HEMK2: variants seen among roughly 807,000 people sequenced by gnomAD.
The protein encoded by HEMK2 is HemK methyltransferase 2, ETF1 glutamine and histone H4 lysine, also known as methyltransferase HEMK2.
chr21:28,776,086 C>T, the HEMK2 span, among the ~76,000 whole-genome samples: 2 of 151,990 alleles, frequency 1.3e-5, no homozygotes, highest in Admixed American at 1.3e-4. Flanking sequence ...GGGAATGGGT[C>T]CCTTTTTAAT....
the HEMK2 span, among the ~76,000 whole-genome samples, chr21:28,694,230 T>G: frequency 6.6e-6 from 1 of 152,212 alleles, no homozygotes; most frequent in African/African-American, 2.4e-5. Flanking sequence ...CTTTTAATGG[T>G]TACGGTACAT....
chr21:28,857,114 T>C, the HEMK2 span, among the ~76,000 whole-genome samples: 1 of 152,226 alleles, frequency 6.6e-6, no homozygotes, highest in Admixed American at 6.5e-5. Context: ...ACACAGAGTT[T>C]ATAGTTTCCC....
chr21:28,601,782 C>T, the HEMK2 span, among the ~76,000 whole-genome samples: 1 of 152,112 alleles, frequency 6.6e-6, no homozygotes, highest in Non-Finnish European at 1.5e-5. Context: ...TCAACACAGA[C>T]TGTATTTGTT....
At chr21:28,776,185 C>T in the HEMK2 span, among the ~76,000 whole-genome samples, 12 of 152,296 alleles carry the variant, frequency 7.9e-5, no homozygotes, top group African/African-American at 2.6e-4. Context: ...TGCCTCAAGC[C>T]TGGGAACAGG....
At chr21:28,779,908 A>T in the HEMK2 span, among the ~76,000 whole-genome samples, 2 of 152,236 alleles carry the variant, frequency 1.3e-5, no homozygotes, top group Non-Finnish European at 2.9e-5. Context: ...TACACCTGAG[A>T]TTAATGCTGC....
the HEMK2 span, among the ~76,000 whole-genome samples, chr21:28,758,245 T>C: frequency 6.6e-6 from 1 of 151,394 alleles, no homozygotes; most frequent in South Asian, 2.1e-4. Flanking sequence ...GATGGAAGAC[T>C]GAATAGGAGG....
At chr21:28,650,692 G>A in the HEMK2 span, among the ~76,000 whole-genome samples, 65 of 152,210 alleles carry the variant, frequency 4.3e-4, no homozygotes, top group Non-Finnish European at 7.4e-5. Context: ...TTAGAGAGGG[G>A]TGTCTAGCCA....
the HEMK2 span, among the ~76,000 whole-genome samples, chr21:28,642,374 G>T: frequency 6.6e-6 from 1 of 152,198 alleles, no homozygotes; most frequent in Non-Finnish European, 1.5e-5. Flanking sequence ...GAGCGTGCAA[G>T]CAAGTAAGTG....
the HEMK2 span, among the ~76,000 whole-genome samples, chr21:28,763,105 C>T: frequency 1.3e-5 from 2 of 152,276 alleles, no homozygotes; most frequent in African/African-American, 2.4e-5. Context: ...AGCCCTTTTC[C>T]ACCAATGGGA....
At chr21:28,649,230 A>G in the HEMK2 span, among the ~76,000 whole-genome samples, 1 of 152,138 alleles carries the variant, frequency 6.6e-6, no homozygotes, top group East Asian at 1.9e-4. Context: ...CCTTAAAGTC[A>G]TATCACTTAG....
chr21:28,749,590 G>A, the HEMK2 span, among the ~76,000 whole-genome samples: 1 of 152,202 alleles, frequency 6.6e-6, no homozygotes, highest in Non-Finnish European at 1.5e-5. Flanking sequence ...CAATCAAGAA[G>A]TGTGAATACT....
chr21:28,608,981 C>T, the HEMK2 span, among the ~76,000 whole-genome samples: 1,111 of 152,248 alleles, frequency 7.3e-3, 19 homozygotes, highest in African/African-American at 0.026. Flanking sequence ...CCACTCTGGT[C>T]GTCAAAGACA....
chr21:28,635,406 A>G, the HEMK2 span, among the ~76,000 whole-genome samples: 1 of 152,136 alleles, frequency 6.6e-6, no homozygotes, highest in African/African-American at 2.4e-5. Context: ...AGTAATAATC[A>G]AGTCTTCCTC....
chr21:28,702,564 A>G, the HEMK2 span, among the ~76,000 whole-genome samples: 2 of 152,236 alleles, frequency 1.3e-5, no homozygotes, highest in Non-Finnish European at 2.9e-5. Flanking sequence ...AAAAATGTTC[A>G]GTGTCTCTAA....
the HEMK2 span, among the ~76,000 whole-genome samples, chr21:28,836,329 T>C: frequency 6.6e-6 from 1 of 152,168 alleles, no homozygotes; most frequent in African/African-American, 2.4e-5. Context: ...TGGGGCCCTA[T>C]CTTCAGCCTC....
the HEMK2 span, among the ~76,000 whole-genome samples, chr21:28,813,482 C>T: frequency 6.6e-6 from 1 of 152,078 alleles, no homozygotes; most frequent in Non-Finnish European, 1.5e-5. Flanking sequence ...GAATCAATAT[C>T]GTGAAAATGG....
At chr21:28,862,360 C>CTACGACCATGTGA in the HEMK2 span, among the ~76,000 whole-genome samples, 1 of 121,322 alleles carries the variant, frequency 8.2e-6, no homozygotes. Flanking sequence ...AAAGTAGTCG[C>CTACGACCATGTGA]CGGGCGCGGT....
chr21:28,761,331 T>C, the HEMK2 span, among the ~76,000 whole-genome samples: 1 of 152,050 alleles, frequency 6.6e-6, no homozygotes, highest in East Asian at 1.9e-4. Context: ...TTTCTGTGAG[T>C]AAGAAATTAT....
At chr21:28,816,902 A>T in the HEMK2 span, among the ~76,000 whole-genome samples, 1 of 152,206 alleles carries the variant, frequency 6.6e-6, no homozygotes, top group African/African-American at 2.4e-5. Context: ...ATGAGATGAT[A>T]ACTTAGAAGT....
Sources: allele counts gnomAD v4.1 joint callset (sites outside exome capture counted in the v4.1 genomes callset), GRCh38; gene constraint gnomAD v4.1.1; transcripts MANE v1.5; gene names NCBI Gene and HGNC (gene_info 2026-07-23, HGNC 2026-07-21).